DRC10: variants seen among roughly 807,000 people sequenced by gnomAD.
DRC10 encodes the protein IQ domain-containing protein D.
chr12:113,202,932 T>C, the DRC10 span: 27 of 387,068 alleles, frequency 7.0e-5, no homozygotes, highest in Non-Finnish European at 1.3e-4. Flanking sequence ...TCTCACAGGG[T>C]TTTTGTAAAG....
chr12:113,216,342 T>G, the DRC10 span, among the ~76,000 whole-genome samples: 1 of 152,192 alleles, frequency 6.6e-6, no homozygotes, highest in Middle Eastern at 3.4e-3. Flanking sequence ...ATGGAGATAG[T>G]AAAAAGATCA....
At chr12:113,217,145 T>C in the DRC10 span, among the ~76,000 whole-genome samples, 1 of 152,116 alleles carries the variant, frequency 6.6e-6, no homozygotes, top group African/African-American at 2.4e-5. Flanking sequence ...CAGGCACTAA[T>C]GTATAATGTT....
the DRC10 span, chr12:113,207,311 G>C: frequency 1.2e-6 from 1 of 816,568 alleles, no homozygotes; most frequent in Admixed American, 1.8e-5. Context: ...TTACACCACT[G>C]CACTCTAGTC....
chr12:113,201,454 A>G, the DRC10 span, among the ~76,000 whole-genome samples: 2 of 152,162 alleles, frequency 1.3e-5, no homozygotes, highest in African/African-American at 4.8e-5. Flanking sequence ...TTGAGGCCAC[A>G]GGGGAGGACT....
At chr12:113,218,137 C>CTTT in the DRC10 span, among the ~76,000 whole-genome samples, 2 of 139,786 alleles carry the variant, frequency 1.4e-5, no homozygotes, top group Non-Finnish European at 3.1e-5. Context: ...AAACCCTGAC[C>CTTT]TTTTTTTTTT....
At chr12:113,196,783 G>T in the DRC10 span, among the ~76,000 whole-genome samples, 38 of 152,238 alleles carry the variant, frequency 2.5e-4, no homozygotes, top group African/African-American at 9.2e-4. Context: ...CTGGGTGAAG[G>T]GTTTGGGCGT....
chr12:113,198,549 C>G, the DRC10 span, among the ~76,000 whole-genome samples: 5 of 152,156 alleles, frequency 3.3e-5, no homozygotes, highest in African/African-American at 1.2e-4. Context: ...ACAGAAGATT[C>G]CATTCATATG....
chr12:113,196,055 T>C, the DRC10 span, among the ~76,000 whole-genome samples: 1 of 152,124 alleles, frequency 6.6e-6, no homozygotes, highest in Non-Finnish European at 1.5e-5. Flanking sequence ...GGAGAGGGGA[T>C]GGGCTCCATC....
At chr12:113,201,698 TAG>T in the DRC10 span, among the ~76,000 whole-genome samples, 6 of 152,230 alleles carry the variant, frequency 3.9e-5, no homozygotes, top group Non-Finnish European at 7.3e-5. Flanking sequence ...CTCACTACAC[TAG>T]AGTCTCCCTC....
chr12:113,200,336 G>A, the DRC10 span: 111 of 666,622 alleles, frequency 1.7e-4, no homozygotes, highest in Middle Eastern at 7.2e-4. Flanking sequence ...TGCTGGGACA[G>A]GATCCCAGTT....
At chr12:113,215,104 C>G in the DRC10 span, among the ~76,000 whole-genome samples, 1 of 152,200 alleles carries the variant, frequency 6.6e-6, no homozygotes, top group East Asian at 1.9e-4. Context: ...TTCTATGTTG[C>G]TGGTTATGAT....
At chr12:113,202,098 C>T in the DRC10 span, among the ~76,000 whole-genome samples, 2 of 152,184 alleles carry the variant, frequency 1.3e-5, no homozygotes, top group South Asian at 2.1e-4. Flanking sequence ...AGATGATGCC[C>T]CTCCCACCTT....
chr12:113,213,091 T>C, the DRC10 span, among the ~76,000 whole-genome samples: 1 of 151,656 alleles, frequency 6.6e-6, no homozygotes, highest in Non-Finnish European at 1.5e-5. Context: ...TTATATATTT[T>C]TTCCCCCTGG....
the DRC10 span, among the ~76,000 whole-genome samples, chr12:113,211,101 A>G: frequency 6.6e-6 from 1 of 152,076 alleles, no homozygotes; most frequent in African/African-American, 2.4e-5. Context: ...TGCAGTGGAC[A>G]ATGGTGTCTT....
At chr12:113,201,000 G>A in the DRC10 span, among the ~76,000 whole-genome samples, 1 of 152,122 alleles carries the variant, frequency 6.6e-6, no homozygotes, top group East Asian at 1.9e-4. Flanking sequence ...TTAGCTGGGT[G>A]TGGTGGTGCA....
chr12:113,207,779 G>A, the DRC10 span: 13 of 1,613,954 alleles, frequency 8.1e-6, no homozygotes, highest in Middle Eastern at 1.6e-4. Flanking sequence ...GAAAGGAGGC[G>A]GTCTCTGAGC....
the DRC10 span, among the ~76,000 whole-genome samples, chr12:113,217,319 G>C: frequency 6.6e-6 from 1 of 150,758 alleles, no homozygotes; most frequent in East Asian, 1.9e-4. Flanking sequence ...CTAATCACAC[G>C]TGTAATTTTT....
chr12:113,208,147 GC>G, the DRC10 span: 2 of 1,613,510 alleles, frequency 1.2e-6, no homozygotes, highest in South Asian at 2.2e-5. Flanking sequence ...AGGGGCCATG[GC>G]GAGAATGTCT....
chr12:113,204,008 AG>A, the DRC10 span, among the ~76,000 whole-genome samples: 1 of 152,090 alleles, frequency 6.6e-6, no homozygotes, highest in Non-Finnish European at 1.5e-5. Context: ...TGGGAGGCTG[AG>A]GCAGGGAGAT....
Sources: allele counts gnomAD v4.1 joint callset (sites outside exome capture counted in the v4.1 genomes callset), GRCh38; gene constraint gnomAD v4.1.1; transcripts MANE v1.5; gene names NCBI Gene and HGNC (gene_info 2026-07-23, HGNC 2026-07-21).